Variants in LARP1 observed in about 807,000 individuals in gnomAD.
LARP1 encodes the protein La ribonucleoprotein 1, translational regulator.
LARP1 carries 36 observed loss-of-function variants against 122.7 expected under a neutral mutation model. The observed-to-expected ratio is 0.29, with a 90% CI of 0.22 to 0.39. The LOEUF (loss-of-function observed/expected upper bound fraction) is 0.39, where lower values mean the gene tolerates loss of function less well. Ranked by LOEUF, LARP1 falls within the 10% of genes least tolerant of loss-of-function variation. LARP1 has a pLI of 1.00. For missense variants in LARP1, 1,040 were observed against 1,403.6 expected (o/e 0.74, Z 4.14); for synonymous variants, 539 against 528.7 (o/e 1.02, Z -0.27).
Position 154,799,682 on chromosome 5 carries a change from A to G in LARP1, c.1469A>G (p.Asp490Gly). 1.2e-6 allele frequency: 2 copies of G among 1,614,192 alleles called. No individual in the cohort carries two copies. Residue 490 changes from aspartate (D) to glycine (G), a missense_variant, in exon 9 of 19, where the codon GAT (aspartate) becomes GGT (glycine). Physicochemically the swap from Asp to Gly is moderately conservative, Grantham distance 94 (BLOSUM62 -1). Around this residue, in one of 8 missense-constraint regions of LARP1, gnomAD observed 362 missense variants for 533.1 expected, o/e 0.68. Transcript: ENST00000518297. Reference protein sequence around the residue: ...PEKWPLPPIVDYSQTDFSQLL... With the variant: ...PEKWPLPPIVGYSQTDFSQLL... ...AAGTGGCCTCTTCCCCCAATAGTGG[A>G]TTATTCACAGACTGATTTCTCCCAG...
chr5:154,756,754 C>T (rs189075245), intron 1 of LARP1, among the ~76,000 whole-genome samples: 194 of 152,240 alleles, frequency 1.3e-3, no homozygotes, highest in African/African-American at 4.5e-3. Flanking sequence ...TTAGAATCGC[C>T]ATTTGGAGAC....
rs1216383732 is a variant in LARP1 at position 154,697,284 on chromosome 5, G to T, written c.-180+14247G>T. ...GCAGGTTTGCATGACCCAGTTCCTA[G>T]CTTGACTTTTCCCTTTGGCTTAGAG... is the stretch of plus-strand genomic sequence containing the variant. On this transcript the variant is annotated intron_variant, in intron 1 of 18. Transcript: ENST00000687700. Among the ~76,000 whole-genome samples the T allele has an allele frequency of 4.7e-5, 7 of 150,162 alleles. No homozygotes were observed. In the Admixed American group the frequency reaches 4.7e-4, roughly 10 times the overall value.
intron 1 of LARP1, among the ~76,000 whole-genome samples, chr5:154,742,797 A>G (rs1200114608): frequency 6.6e-6 from 1 of 152,102 alleles, no homozygotes; most frequent in Non-Finnish European, 1.5e-5. Context: ...AACTTCCAGA[A>G]TATTAGGCTT....
At chr5:154,716,403 A>G (rs10058604) in intron 1 of LARP1, among the ~76,000 whole-genome samples, 121,100 of 151,946 alleles carry the variant, frequency 0.8, 48,497 homozygotes, top group African/African-American at 0.87. Context: ...TTACAGGCAT[A>G]AGCCACCATG....
intron 1 of LARP1, among the ~76,000 whole-genome samples, chr5:154,690,999 C>T (rs1455129395): frequency 6.6e-6 from 1 of 152,162 alleles, no homozygotes; most frequent in Non-Finnish European, 1.5e-5. Flanking sequence ...GTGGCTCATG[C>T]CTGTAATCCC....
chr5:154,768,903 G>A (rs1267649800), intron 1 of LARP1, among the ~76,000 whole-genome samples: 5 of 152,074 alleles, frequency 3.3e-5, no homozygotes, highest in East Asian at 1.9e-4. Context: ...ATTTTTTTGC[G>A]TGATCTCAGC....
At chr5:154,703,645 G>T (rs1754821974) in intron 1 of LARP1, among the ~76,000 whole-genome samples, 1 of 151,998 alleles carries the variant, frequency 6.6e-6, no homozygotes, top group Admixed American at 6.6e-5. Flanking sequence ...TTTTCAGATG[G>T]AATCTTGCTC....
intron 1 of LARP1, among the ~76,000 whole-genome samples, chr5:154,776,421 G>A (rs1305874227): frequency 1.3e-5 from 2 of 152,138 alleles, no homozygotes; most frequent in South Asian, 2.1e-4. Flanking sequence ...GTGGGTAAAG[G>A]GAGAGTACCT....
At position 154,803,264 on chromosome 5, in the gene LARP1, C is replaced by T. The variant is rs892311147; in HGVS notation, c.2110-26C>T. ...GAGCAGCCTGCTTACTTACATCTTT[C>T]CCCACTCATCTCATGACCTCTGCAG... On this transcript the variant is annotated intron_variant, in intron 11 of 18. Transcript: ENST00000518297. This position sits in a 1 kb window ranked among gnomAD's most constrained non-coding sequence, Gnocchi z 4.4. The T allele has an allele frequency of 3.7e-6, 6 of 1,614,032 alleles. No homozygotes were observed. Among genetic ancestry groups the T allele is most frequent in the South Asian group, 1.1e-5 (1 of 91,084 alleles).
chr5:154,761,259 A>G (rs544935233), intron 1 of LARP1, among the ~76,000 whole-genome samples: 1 of 152,284 alleles, frequency 6.6e-6, no homozygotes, highest in East Asian at 1.9e-4. Flanking sequence ...AGTGCCTGCC[A>G]GGTAGGGGAA....
rs1167652861 is a variant in LARP1 at position 154,794,256 on chromosome 5, G to A, written c.1226G>A (p.Arg409His). 8.7e-6 allele frequency: 14 copies of A among 1,614,030 alleles called. No homozygotes were observed. The highest frequency in any genetic ancestry group is 1.1e-5 in the South Asian group (1 of 91,074). Residue 409 changes from arginine (R) to histidine (H), a missense_variant, in exon 7 of 19, where the codon CGC becomes CAC. Transcript: ENST00000518297. ...DQELLKDYIK[R>H]QIEYYFSVDN... ...GAACTGCTCAAAGACTACATCAAGC[G>A]CCAGATGTGAGTGTGCGGAAGCCTT... is the stretch of plus-strand genomic sequence containing the variant.
chr5:154,780,905 T>G (rs1756367843), intron 1 of LARP1, among the ~76,000 whole-genome samples: 1 of 151,444 alleles, frequency 6.6e-6, no homozygotes, highest in East Asian at 2.0e-4. Context: ...CTACTGAAAA[T>G]ACAAAAAATT....
intron 1 of LARP1, among the ~76,000 whole-genome samples, chr5:154,773,591 T>C (rs995251314): frequency 2.0e-5 from 3 of 152,226 alleles, no homozygotes; most frequent in Non-Finnish European, 4.4e-5. Context: ...TTAACCGAGC[T>C]GCCACGCAGG....
In LARP1 at chr5:154,803,273, T is replaced by C. The variant is rs1261172222; in HGVS notation, c.2110-17T>C. 5 of 1,614,020 alleles carry C rather than the reference T, an allele frequency of 3.1e-6. No homozygotes were observed. The highest frequency in any genetic ancestry group is 4.2e-6 in the Non-Finnish European group (5 of 1,180,036). On this transcript the variant is annotated splice_polypyrimidine_tract_variant and intron_variant, in intron 11 of 18. Transcript: ENST00000518297. The surrounding 1 kb of genome is among the most constrained non-coding windows in gnomAD (Gnocchi z 4.4). Reference sequence around the variant, plus strand: ...GCTTACTTACATCTTTCCCCACTCATCTCATGACCTCTGCAGCAAGAAGTC... The same window carrying C: ...GCTTACTTACATCTTTCCCCACTCACCTCATGACCTCTGCAGCAAGAAGTC...
Position 154,799,579 on chromosome 5 carries a change from C to A in LARP1, c.1378-12C>A. On this transcript the variant is annotated splice_polypyrimidine_tract_variant and intron_variant, in intron 8 of 18. Transcript: ENST00000518297. ...TTCTTCTTAATCCCCTCTTCCTTCT[C>A]CTCCCCTTCAGGCCCTAAAGGACAG... The A allele has an allele frequency of 6.2e-7, 1 of 1,613,150 alleles. No individual in the cohort carries two copies. The highest frequency in any genetic ancestry group is 1.3e-5 in the African/African-American group (1 of 75,004).
At position 154,765,404 on chromosome 5, in the gene LARP1, G is replaced by A. The variant is rs1183645365; in HGVS notation, c.436+9211G>A. Among the ~76,000 whole-genome samples the A allele has an allele frequency of 3.3e-5, 5 of 152,000 alleles. No individual in the cohort carries two copies. In the South Asian group the frequency reaches 6.2e-4, roughly 19 times the overall value. On this transcript the variant is annotated intron_variant, in intron 1 of 18. Coordinates refer to ENST00000518297, the MANE Select transcript of LARP1 (RefSeq NM_033551.3). ...TTAGTTCTCCCCACTGCCCCCCGCC[G>A]CCCCAAGGCAGGGTCTGAGTCTGTC...
At chr5:154,754,523 A>G (rs1053203543), upstream of LARP1, among the ~76,000 whole-genome samples, 2 of 152,256 alleles carry the variant, frequency 1.3e-5, no homozygotes, top group African/African-American at 4.8e-5. Flanking sequence ...ATTCTTTAGA[A>G]AAAAAACGAC....
In LARP1 at chr5:154,814,217, C is replaced by A; in HGVS notation, c.*121C>A. 9.8e-7 allele frequency: 1 copy of A among 1,022,594 alleles called. No individual in the cohort carries two copies. 63.3% of individuals were successfully genotyped at this position (1,022,594 alleles called of 1,614,324 possible). A position where few individuals can be genotyped will look rare whatever the true frequency, so the allele number is the denominator to read the frequency against. On this transcript the variant is annotated 3_prime_UTR_variant, in exon 19 of 19. Coordinates refer to ENST00000518297, the MANE Select transcript of LARP1 (RefSeq NM_033551.3). ...ACAGGCCTGGAGTTACTAGGACAGG[C>A]CTTTGTGCTGAGTAGCAATGTATAC...
At chr5:154,693,979 A>G (rs1754354906) in intron 1 of LARP1, among the ~76,000 whole-genome samples, 1 of 152,238 alleles carries the variant, frequency 6.6e-6, no homozygotes, top group Non-Finnish European at 1.5e-5. Flanking sequence ...GAGGCCTATA[A>G]GAACTAGCTT....
Sources: gnomAD v4.1 joint callset for allele counts (sites outside exome capture counted in the v4.1 genomes callset) on GRCh38, gnomAD v4.1.1 for gene constraint, gnomAD v4.1.1 regional missense constraint, Gnocchi (gnomAD v3.1) non-coding constraint, MANE v1.5 for transcripts, NCBI Gene and HGNC (gene_info 2026-07-23, HGNC 2026-07-21) for gene names.